Variants in NAV3 observed in about 807,000 individuals in gnomAD.
The protein encoded by NAV3 is pore membrane and/or filament interacting like protein 1.
A neutral mutation model predicts 244.7 loss-of-function variants in NAV3; 87 were observed. The observed-to-expected ratio is 0.36, with a 90% CI of 0.30 to 0.42. The LOEUF (loss-of-function observed/expected upper bound fraction) is 0.42, where lower values mean the gene tolerates loss of function less well. Among genes scored for constraint, NAV3 ranks in the 20% least tolerant of loss-of-function variants. The pLI, the probability that NAV3 is intolerant of heterozygous loss-of-function variation, is 1.00. For missense variants in NAV3, 2,663 were observed against 2,893.3 expected (o/e 0.92, Z 1.83); for synonymous variants, 1,126 against 1,042.2 (o/e 1.08, Z -1.55).
At chr12:77,582,905 C>T (rs55750676) in intron 2 of NAV3, among the ~76,000 whole-genome samples, 152 of 152,326 alleles carry the variant, frequency 1.0e-3, no homozygotes, top group Non-Finnish European at 1.6e-3. Flanking sequence ...AAATAAAATA[C>T]ATATGTGACC....
chr12:77,974,832 T>A (rs1194909413), intron 5 of NAV3, among the ~76,000 whole-genome samples: 1 of 152,154 alleles, frequency 6.6e-6, no homozygotes, highest in Non-Finnish European at 1.5e-5. Context: ...GGTTTATGTA[T>A]AAAATGCTTA....
At chr12:78,068,667 T>C (rs950858896) in intron 12 of NAV3, among the ~76,000 whole-genome samples, 1 of 147,950 alleles carries the variant, frequency 6.8e-6, no homozygotes, top group African/African-American at 2.5e-5. Flanking sequence ...ATATATTTTA[T>C]ATATAATGGA....
chr12:78,137,055 T>C, intron 18 of NAV3, 122 bp from the exon 19 acceptor site: 2 of 844,452 alleles, frequency 2.4e-6, no homozygotes, highest in South Asian at 4.4e-5. Flanking sequence ...TTACCTTAAA[T>C]AGGGACTCAC....
intron 1 of NAV3, among the ~76,000 whole-genome samples, chr12:77,846,120 C>T (rs1389898120): frequency 6.6e-6 from 1 of 152,234 alleles, no homozygotes; most frequent in East Asian, 1.9e-4. Flanking sequence ...GAAATGAATT[C>T]ACTCAAGAGT....
intron 12 of NAV3, among the ~76,000 whole-genome samples, chr12:78,108,366 C>T (rs1482282847): frequency 6.6e-6 from 1 of 152,058 alleles, no homozygotes; most frequent in Admixed American, 6.6e-5. Context: ...TGGAGAACTT[C>T]AACACTCCAC....
chr12:78,037,219 G>A (rs1335952368), intron 9 of NAV3: 4 of 702,886 alleles, frequency 5.7e-6, no homozygotes, highest in Non-Finnish European at 1.0e-5. Context: ...GATGAAGATA[G>A]TAGGTCTGAA....
intron 3 of NAV3, among the ~76,000 whole-genome samples, chr12:77,952,273 T>C (rs1890974607): frequency 6.6e-6 from 1 of 152,120 alleles, no homozygotes; most frequent in African/African-American, 2.4e-5. Context: ...ACATCATGTC[T>C]TTAGTGTTGT....
chr12:77,956,894 G>A (rs1260771957), intron 3 of NAV3, among the ~76,000 whole-genome samples: 4 of 151,766 alleles, frequency 2.6e-5, no homozygotes, highest in Non-Finnish European at 5.9e-5. Context: ...AGGCACATGC[G>A]ACCACACCCA....
chr12:77,683,858 GTTT>G (rs1565770556), intron 2 of NAV3, among the ~76,000 whole-genome samples: 1 of 151,722 alleles, frequency 6.6e-6, no homozygotes, highest in African/African-American at 2.4e-5. Flanking sequence ...GGACATTTGA[GTTT>G]TTTTCAGTTT....
At chr12:77,646,423 C>CT (rs1172783575) in intron 2 of NAV3, among the ~76,000 whole-genome samples, 4 of 152,082 alleles carry the variant, frequency 2.6e-5, no homozygotes, top group African/African-American at 9.7e-5. Flanking sequence ...GACTGTGACC[C>CT]AAACCTCCTG....
chr12:78,017,908 A>G (rs1180178109), intron 8 of NAV3, among the ~76,000 whole-genome samples: 36 of 152,204 alleles, frequency 2.4e-4, no homozygotes, highest in Admixed American at 2.4e-3. Flanking sequence ...GACTGGAGTT[A>G]AAATCTAATT....
At chr12:77,642,350 C>T (rs979792618) in intron 2 of NAV3, among the ~76,000 whole-genome samples, 42 of 151,850 alleles carry the variant, frequency 2.8e-4, no homozygotes, top group Non-Finnish European at 1.3e-4. Context: ...CTTTCAGGAG[C>T]GTTGGTTTGT....
chr12:77,582,430 G>C (rs1323018738), intron 2 of NAV3, among the ~76,000 whole-genome samples: 2 of 152,124 alleles, frequency 1.3e-5, no homozygotes, highest in Non-Finnish European at 2.9e-5. Flanking sequence ...CATTAAACCG[G>C]TTTGATCATA....
At chr12:78,064,743 G>A (rs995560316) in intron 12 of NAV3, among the ~76,000 whole-genome samples, 1 of 151,936 alleles carries the variant, frequency 6.6e-6, no homozygotes, top group Non-Finnish European at 1.5e-5. Flanking sequence ...GTATTAGTAT[G>A]TATAATAATC....
chr12:77,772,285 A>G (rs1870133306), intron 2 of NAV3, among the ~76,000 whole-genome samples: 1 of 152,170 alleles, frequency 6.6e-6, no homozygotes, highest in Non-Finnish European at 1.5e-5. Context: ...GTATGCTCTG[A>G]GCAACAAATA....
chr12:77,995,113 C>A (rs1253604171), intron 6 of NAV3, among the ~76,000 whole-genome samples: 1 of 152,014 alleles, frequency 6.6e-6, no homozygotes, highest in African/African-American at 2.4e-5. Context: ...GGGCTTAAGT[C>A]TAGGTTCTAG....
chr12:78,181,759 A>T lies in NAV3; in HGVS notation c.5692+714A>T, dbSNP rs186841348. ...CACGGCCACCAGATGACGCTTGGAA[A>T]CCAATAATATGTATGTTCCTAGCCA... On this transcript the variant is annotated intron_variant, in intron 30 of 39. Coordinates refer to ENST00000397909, the MANE Select transcript of NAV3 (RefSeq NM_001024383.2). Among the ~76,000 whole-genome samples, 438 of 152,130 alleles carry T rather than the reference A, an allele frequency of 2.9e-3. 3 individuals are homozygous for T. The highest frequency in any genetic ancestry group is 4.8e-3 in the South Asian group (23 of 4,822).
At chr12:78,017,154 T>C (rs1242865498) in intron 8 of NAV3, among the ~76,000 whole-genome samples, 3 of 152,140 alleles carry the variant, frequency 2.0e-5, no homozygotes, top group African/African-American at 7.2e-5. Context: ...TATTGTGAAT[T>C]TTGAGTGATA....
rs1283353757 is a variant in NAV3 at position 78,021,792 on chromosome 12, C to T, written c.1953C>T (p.Ser651=). The T allele has an allele frequency of 1.2e-6, 2 of 1,610,844 alleles. No individual in the cohort carries two copies. The highest frequency in any genetic ancestry group is 8.5e-7 in the Non-Finnish European group (1 of 1,178,316). ...GTACCGCTTTACCATCGGCTGACTC[C>T]TGTACCAGTCCTACAAAGATGGACT... is the stretch of plus-strand genomic sequence containing the variant. The part of the protein sequence containing the change: ...NEGTALPSAD[S]CTSPTKMDLS... The change falls in exon 9 of 40, where the codon TCC becomes TCT. Residue 651 remains serine (S), a synonymous_variant. Transcript: ENST00000397909.
Sources: gnomAD v4.1 joint callset for allele counts (sites outside exome capture counted in the v4.1 genomes callset) on GRCh38, gnomAD v4.1.1 for gene constraint, MANE v1.5 for transcripts, NCBI Gene and HGNC (gene_info 2026-07-23, HGNC 2026-07-21) for gene names.